IP6K1: variants seen among roughly 807,000 people sequenced by gnomAD.
The protein encoded by IP6K1 is ATP:1D-myo-inositol-hexakisphosphate phosphotransferase.
In IP6K1, 13 loss-of-function variants were observed where a neutral mutation model predicts 38.3. The observed-to-expected ratio is 0.34, with a 90% CI of 0.22 to 0.54. The LOEUF (loss-of-function observed/expected upper bound fraction) is 0.54, where lower values mean the gene tolerates loss of function less well. Ranked by LOEUF, IP6K1 falls within the 20% of genes least tolerant of loss-of-function variation. The pLI is 0.92. For synonymous variants in IP6K1, 212 were observed against 229.9 expected (o/e 0.92, Z 0.70); for missense variants, 397 against 599.8 (o/e 0.66, Z 3.53).
Position 49,735,317 on chromosome 3 carries a change from G to A in IP6K1, c.435-2345C>T, listed in dbSNP as rs116254424. On this transcript the variant is annotated intron_variant, in intron 3 of 5. Transcript: ENST00000321599. ...TCAAGGCTGCAGTGAGTCACTGATG[G>A]TGCCACTGCACTCTAGCCTGGGTGA... is the stretch of plus-strand genomic sequence containing the variant. Among the ~76,000 whole-genome samples the A allele has an allele frequency of 4.8e-3, 738 of 152,254 alleles. 8 individuals carry two copies. Among genetic ancestry groups the A allele is most frequent in the African/African-American group, 0.017 (696 of 41,550 alleles).
At chr3:49,777,095 T>C (rs1169137720) in intron 1 of IP6K1, among the ~76,000 whole-genome samples, 2 of 151,888 alleles carry the variant, frequency 1.3e-5, no homozygotes, top group Non-Finnish European at 2.9e-5. Context: ...AATCAGTCCA[T>C]TGTGGTGGCA....
chr3:49,758,314 C>CAAA (rs11359274), intron 1 of IP6K1, among the ~76,000 whole-genome samples: 49 of 53,952 alleles, frequency 9.1e-4, no homozygotes, highest in Admixed American at 1.7e-3. Context: ...GACTCCATCT[C>CAAA]AAAAAAAAAA....
intron 4 of IP6K1, among the ~76,000 whole-genome samples, chr3:49,732,512 G>A (rs954762331): frequency 3.3e-5 from 5 of 152,164 alleles, no homozygotes; most frequent in Admixed American, 1.3e-4. Flanking sequence ...ACTCAGTGTG[G>A]CCAGTGGCTA....
chr3:49,728,028 A>T lies in IP6K1; in HGVS notation c.792+75T>A, dbSNP rs2080524474. ...GGGCTCAGGAGGACACACTTGGCAT[A>T]GATGGCAGGCAGGTATGAGCACAAC... On this transcript the variant is annotated intron_variant, in intron 5 of 5. Transcript: ENST00000321599. 10 of 1,457,624 alleles carry T rather than the reference A, an allele frequency of 6.9e-6. No individual in the cohort carries two copies. The Admixed American group carries it at 1.6e-4, about 23-fold the overall frequency. The allele number at this position is 1,457,624 out of a possible 1,614,324, so 90.3% of individuals were successfully genotyped here.
In IP6K1 at chr3:49,732,876, C is replaced by T. The variant is rs1260158719; in HGVS notation, c.531G>A (p.Lys177=). The change falls in exon 4 of 6, where the codon AAG becomes AAA. Residue 177 remains lysine (K), a synonymous_variant. Transcript: ENST00000321599. ...GCAGGCTCCAGGGGTTGTGGCTGAT[C>T]TTCTCAGAACTCAAGCCACTGTTGC... ...LDGNSGLSSE[K]ISHNPWSLRC... The T allele has an allele frequency of 6.2e-7, 1 of 1,614,078 alleles. No homozygotes were observed. Among genetic ancestry groups the T allele is most frequent in the South Asian group, 1.1e-5 (1 of 91,072 alleles).
chr3:49,779,823 A>G (rs778040350), intron 1 of IP6K1, among the ~76,000 whole-genome samples: 3 of 152,052 alleles, frequency 2.0e-5, no homozygotes, highest in Non-Finnish European at 2.9e-5. Flanking sequence ...GTAGCCGAGA[A>G]TACAGGTGAA....
chr3:49,733,845 C>A (rs2080583575), intron 3 of IP6K1, among the ~76,000 whole-genome samples: 3 of 152,186 alleles, frequency 2.0e-5, no homozygotes, highest in Non-Finnish European at 4.4e-5. Flanking sequence ...TAAAATAAGT[C>A]AAGGCCAGGC....
chr3:49,768,701 C>T (rs1339943364), intron 1 of IP6K1, among the ~76,000 whole-genome samples: 2 of 152,144 alleles, frequency 1.3e-5, no homozygotes, highest in East Asian at 1.9e-4. Context: ...ACCTGGGAGG[C>T]GGAGGCTGCA....
At chr3:49,766,752 G>C (rs1366838421) in intron 1 of IP6K1, among the ~76,000 whole-genome samples, 2 of 151,292 alleles carry the variant, frequency 1.3e-5, no homozygotes, top group Non-Finnish European at 2.9e-5. Context: ...CAGATCACTA[G>C]GTCAGGAGTT....
chr3:49,782,310 A>G (rs930651262), intron 1 of IP6K1, among the ~76,000 whole-genome samples: 4 of 151,762 alleles, frequency 2.6e-5, no homozygotes, highest in Non-Finnish European at 5.9e-5. Flanking sequence ...AGCTGGGATT[A>G]CAGGTGCACG....
At chr3:49,782,812 A>T (rs1028014573) in intron 1 of IP6K1, among the ~76,000 whole-genome samples, 4 of 151,840 alleles carry the variant, frequency 2.6e-5, no homozygotes, top group African/African-American at 7.3e-5. Flanking sequence ...ACTGTCTCTT[A>T]AAAAAGGCCA....
intron 1 of IP6K1, among the ~76,000 whole-genome samples, chr3:49,779,043 A>C (rs1208834108): frequency 6.6e-6 from 1 of 152,244 alleles, no homozygotes; most frequent in African/African-American, 2.4e-5. Flanking sequence ...TAAAATATTC[A>C]GAAATAGGAG....
rs1433909992 is a variant in IP6K1 at position 49,732,757 on chromosome 3, G to T, written c.616+34C>A. On this transcript the variant is annotated intron_variant, in intron 4 of 5. Coordinates refer to ENST00000321599, the MANE Select transcript of IP6K1 (RefSeq NM_153273.4). ...CCCCAACACACGACCTATGGACCCA[G>T]TAGACACTCCTGAAGGAGGGGCAAC... is the stretch of plus-strand genomic sequence containing the variant. 7 of 1,583,610 alleles carry T rather than the reference G, an allele frequency of 4.4e-6. No individual in the cohort carries two copies. In the Admixed American group the frequency reaches 1.0e-4, roughly 23 times the overall value.
intron 1 of IP6K1, among the ~76,000 whole-genome samples, chr3:49,755,806 G>A (rs533353289): frequency 3.5e-4 from 53 of 152,128 alleles, no homozygotes; most frequent in Non-Finnish European, 6.9e-4. Flanking sequence ...ATGAAAACAC[G>A]TTTGTCCTCT....
At chr3:49,741,834 T>C (rs1280443155) in intron 2 of IP6K1, among the ~76,000 whole-genome samples, 1 of 152,238 alleles carries the variant, frequency 6.6e-6, no homozygotes, top group Non-Finnish European at 1.5e-5. Flanking sequence ...AGGTGTTCTC[T>C]AAATTACAAC....
chr3:49,740,226 T>G (rs1003923841), intron 2 of IP6K1, among the ~76,000 whole-genome samples: 2 of 124,952 alleles, frequency 1.6e-5, no homozygotes, highest in Admixed American at 2.0e-4. Flanking sequence ...AAATTTGCAA[T>G]TCTTTTTTTT....
chr3:49,782,548 T>G (rs986688020), intron 1 of IP6K1, among the ~76,000 whole-genome samples: 1 of 152,076 alleles, frequency 6.6e-6, no homozygotes, highest in South Asian at 2.1e-4. Flanking sequence ...CAGTGGCTCA[T>G]GCCTGCACTT....
intron 1 of IP6K1, among the ~76,000 whole-genome samples, chr3:49,775,898 A>T (rs1399585046): frequency 1.3e-5 from 2 of 151,738 alleles, no homozygotes; most frequent in African/African-American, 4.8e-5. Flanking sequence ...CTCCATATTG[A>T]TATGTTCTCC....
At chr3:49,763,880 C>A (rs545759864) in intron 1 of IP6K1, among the ~76,000 whole-genome samples, 1 of 151,698 alleles carries the variant, frequency 6.6e-6, no homozygotes, top group Non-Finnish European at 1.5e-5. Flanking sequence ...AAATTAGCTG[C>A]GCATGGTGGC....
Sources: gnomAD v4.1 joint callset for allele counts (sites outside exome capture counted in the v4.1 genomes callset) on GRCh38, gnomAD v4.1.1 for gene constraint, MANE v1.5 for transcripts, NCBI Gene and HGNC (gene_info 2026-07-23, HGNC 2026-07-21) for gene names.